Variants in ZMYM2 observed in about 807,000 individuals in gnomAD.
The protein encoded by ZMYM2 is zinc finger MYM-type containing 2.
A neutral mutation model predicts 162.8 loss-of-function variants in ZMYM2; 56 were observed. The ratio of observed to expected loss-of-function variants is 0.34; its 90% CI spans 0.28 to 0.43. ZMYM2 has a LOEUF of 0.43. ZMYM2 is among the 20% of genes least tolerant of loss of function. The pLI is 1.00. For synonymous variants in ZMYM2, 510 were observed against 541.6 expected, an observed-to-expected ratio of 0.94 and a Z score of 0.81; for missense variants, 1,275 against 1,621.8, an observed-to-expected ratio of 0.79 and a Z score of 3.67.
At chr13:20,014,231 G>A (rs1464647441) in intron 6 of ZMYM2, among the ~76,000 whole-genome samples, 4 of 151,954 alleles carry the variant, frequency 2.6e-5, no homozygotes, top group African/African-American at 7.3e-5. Flanking sequence ...CTGCCACCAC[G>A]CCCAGCTAAT....
At chr13:19,880,243 T>G in the ZMYM2 span, among the ~76,000 whole-genome samples, 1 of 152,174 alleles carries the variant, frequency 6.6e-6, no homozygotes. Flanking sequence ...TCCTATTGGC[T>G]CTATTTCTCT....
At chr13:20,029,242 G>A (rs1952856198) in intron 9 of ZMYM2, among the ~76,000 whole-genome samples, 1 of 152,206 alleles carries the variant, frequency 6.6e-6, no homozygotes, top group African/African-American at 2.4e-5. Context: ...GTCCTCACAT[G>A]GTGAAGGTAG....
rs760567998 is a variant in ZMYM2, at chr13:20,031,326, G to T, written c.1859G>T (p.Ser620Ile). ...TTTTGTTCTTTGTTTTAGGCTCTAAGTATGCAGTCATCTCCAAATGGCCAG... is the reference window on the plus strand; with the variant it reads ...TTTTGTTCTTTGTTTTAGGCTCTAATTATGCAGTCATCTCCAAATGGCCAG... ...SSCVAKFQAL[S>I]MQSSPNGQFV... The change falls in exon 10 of 25, where the codon AGT (serine) becomes ATT (isoleucine). Residue 620 changes from serine to isoleucine, a missense_variant. Coordinates refer to ENST00000610343, the MANE Select transcript of ZMYM2 (RefSeq NM_197968.4). 1.2e-6 allele frequency: 2 copies of T among 1,605,210 alleles called. No individual in the cohort carries two copies. Among genetic ancestry groups the T allele is most frequent in the Non-Finnish European group, 1.7e-6 (2 of 1,177,458 alleles).
In ZMYM2 at chr13:20,002,358, T is replaced by G. The variant is rs9552060; in HGVS notation, c.848-492T>G. Among the ~76,000 whole-genome samples, 170 of 152,346 alleles carry G rather than the reference T, an allele frequency of 1.1e-3. 4 individuals are homozygous for G. In the East Asian group the frequency reaches 0.027, roughly 24 times the overall value. On this transcript the variant is annotated intron_variant, in intron 3 of 24. Transcript: ENST00000610343. ...AGTTATTATGCTTTATTATATGTCT[T>G]ACCTCATTTAATGTTTACCATTAGC...
the ZMYM2 span, among the ~76,000 whole-genome samples, chr13:19,951,007 A>AT: frequency 2.0e-5 from 3 of 152,114 alleles, no homozygotes; most frequent in Admixed American, 6.5e-5. Flanking sequence ...AAAACGTAAG[A>AT]TTTTTTTGTG....
At chr13:19,967,186 G>A (rs1418868626) in intron 2 of ZMYM2, among the ~76,000 whole-genome samples, 2 of 151,934 alleles carry the variant, frequency 1.3e-5, no homozygotes, top group Non-Finnish European at 2.9e-5. Context: ...AAAGAGCACA[G>A]TATCTGTAAT....
chr13:19,988,516 A>C (rs897338075), intron 2 of ZMYM2, among the ~76,000 whole-genome samples: 4 of 152,034 alleles, frequency 2.6e-5, no homozygotes, highest in African/African-American at 9.7e-5. Context: ...ATGGTGGCTC[A>C]CTCACGCCTG....
intron 2 of ZMYM2, among the ~76,000 whole-genome samples, chr13:19,990,317 T>A (rs1351673507): frequency 6.6e-6 from 1 of 152,228 alleles, no homozygotes; most frequent in Non-Finnish European, 1.5e-5. Flanking sequence ...TCTGCCTGTT[T>A]ATCTCATTTT....
the ZMYM2 span, among the ~76,000 whole-genome samples, chr13:19,873,399 T>TATTTA: frequency 1.3e-5 from 2 of 149,594 alleles, no homozygotes; most frequent in South Asian, 4.2e-4. Context: ...TTTATTTATT[T>TATTTA]ATTTATTTAT....
the ZMYM2 span, among the ~76,000 whole-genome samples, chr13:19,903,151 G>A: frequency 2.0e-5 from 3 of 151,848 alleles, no homozygotes; most frequent in East Asian, 1.9e-4. Flanking sequence ...AGTGAAACTC[G>A]GTCTCAACAA....
rs1346924520 is a variant in ZMYM2 at position 20,088,409 on chromosome 13, C to G, written c.*2395C>G. Reference sequence around the variant, plus strand: ...TATAGATAGCATCCTGTAAATATAACTTTATTGTCTTGAAATGTTTATTGA... The same window carrying G: ...TATAGATAGCATCCTGTAAATATAAGTTTATTGTCTTGAAATGTTTATTGA... On this transcript the variant is annotated 3_prime_UTR_variant, in exon 25 of 25. Transcript: ENST00000610343. The G allele has an allele frequency of 2.0e-5, 4 of 200,676 alleles. No individual in the cohort carries two copies. Among genetic ancestry groups the G allele is most frequent in the Non-Finnish European group, 4.1e-5 (4 of 97,336 alleles). The allele number at this position is 200,676 out of a possible 1,614,324, so 12.4% of individuals were successfully genotyped here. A position where few individuals can be genotyped will look rare whatever the true frequency, so the allele number is the denominator to read the frequency against.
chr13:19,999,977 A>AT (rs374270812), intron 3 of ZMYM2, among the ~76,000 whole-genome samples: 17 of 152,028 alleles, frequency 1.1e-4, no homozygotes, highest in Non-Finnish European at 2.1e-4. Context: ...TTTAAAAAAT[A>AT]TTTTTTGTGG....
intron 14 of ZMYM2, among the ~76,000 whole-genome samples, chr13:20,054,448 GTAAAATGGGAGTGA>G (rs1327464248): frequency 2.6e-5 from 4 of 152,288 alleles, no homozygotes. Context: ...TTCCTCCTAT[GTAAAATGGGAGTGA>G]TAAAAAGTCC....
Position 20,058,570 on chromosome 13 carries a change from C to A in ZMYM2, c.2494-5C>A. 4 of 1,610,662 alleles carry A rather than the reference C, an allele frequency of 2.5e-6. No individual in the cohort carries two copies. Among genetic ancestry groups the A allele is most frequent in the Non-Finnish European group, 3.4e-6 (4 of 1,178,820 alleles). On this transcript the variant is annotated splice_polypyrimidine_tract_variant and splice_region_variant and intron_variant, in intron 14 of 24. Transcript: ENST00000610343. ...ATAAAAATGTTTCTCTTTGCTTCTC[C>A]ATAGGGTTCAGCACCACCCCCTTCT... is the stretch of plus-strand genomic sequence containing the variant.
At position 19,987,325 on chromosome 13, in the gene ZMYM2, G is replaced by T. The variant is rs59030139; in HGVS notation, c.-10-5738G>T. On this transcript the variant is annotated intron_variant, in intron 2 of 24. Coordinates refer to ENST00000610343, the MANE Select transcript of ZMYM2 (RefSeq NM_197968.4). ...GTCGCCCAGGCTGGAGTGCAGTGGC[G>T]CAATCTCGGCTCACGGCAGAATCCA... Among the ~76,000 whole-genome samples, 3 of 151,530 alleles carry T rather than the reference G, an allele frequency of 2.0e-5. No homozygotes were observed. The South Asian group carries it at 6.2e-4, about 32-fold the overall frequency.
chr13:19,953,972 T>C (rs1954470725), upstream of ZMYM2, among the ~76,000 whole-genome samples: 1 of 151,774 alleles, frequency 6.6e-6, no homozygotes, highest in African/African-American at 2.4e-5. Flanking sequence ...GAAAGATAAT[T>C]ATTCCATGAA....
chr13:20,041,133 TATTA>T (rs1188182109), intron 12 of ZMYM2, among the ~76,000 whole-genome samples: 1 of 152,214 alleles, frequency 6.6e-6, no homozygotes, highest in African/African-American at 2.4e-5. Context: ...TGAATATCTT[TATTA>T]ATTATCTGCT....
At chr13:19,959,857 ACCTCTTATTCCCTTCTCTG>A in intron 1 of ZMYM2, 82 bp from the exon 2 acceptor site, 1 of 152,040 alleles carries the variant, frequency 6.6e-6, no homozygotes, top group African/African-American at 2.4e-5. Context: ...AACCTCCTTG[ACCTCTTATTCCCTTCTCTG>A]CCTCCTTCTG....
intron 2 of ZMYM2, among the ~76,000 whole-genome samples, chr13:19,972,466 A>AT (rs925147949): frequency 1.1e-3 from 166 of 149,696 alleles, no homozygotes; most frequent in African/African-American, 1.9e-3. Context: ...TCTTTTTGCA[A>AT]TTTTTTTTTT....
Sources: gnomAD v4.1 joint callset for allele counts (sites outside exome capture counted in the v4.1 genomes callset) on GRCh38, gnomAD v4.1.1 for gene constraint, MANE v1.5 for transcripts, NCBI Gene and HGNC (gene_info 2026-07-23, HGNC 2026-07-21) for gene names.